MYO5B: variants seen among roughly 807,000 people sequenced by gnomAD.
The protein encoded by MYO5B is unconventional myosin-Vb.
Under a neutral mutation model 229.3 loss-of-function variants are expected in MYO5B, and 143 were observed. The observed-to-expected ratio is 0.62, with a 90% CI of 0.54 to 0.72. The LOEUF is 0.72. MYO5B is among the 30% of genes least tolerant of loss of function. MYO5B has a pLI of 0.00. For synonymous variants in MYO5B, 918 were observed against 885.2 expected (o/e 1.04, Z -0.66); for missense variants, 2,321 against 2,331.0 (o/e 1.00, Z 0.09).
chr18:50,038,073 C>T (rs1396014381), intron 3 of MYO5B, among the ~76,000 whole-genome samples: 1 of 152,140 alleles, frequency 6.6e-6, no homozygotes, highest in Non-Finnish European at 1.5e-5. Context: ...CTATAAAGTT[C>T]AGATAATCTT....
intron 1 of MYO5B, among the ~76,000 whole-genome samples, chr18:50,126,111 A>G (rs1034153669): frequency 2.0e-5 from 3 of 152,360 alleles, no homozygotes; most frequent in Non-Finnish European, 4.4e-5. Context: ...ACTGAACTGT[A>G]TACTGAAAAA....
chr18:49,902,611 G>C lies in MYO5B; in HGVS notation c.2794C>G (p.Arg932Gly). Residue 932 changes from arginine (R) to glycine (G), a missense_variant, in exon 21 of 40, where the codon CGG becomes GGG. Coordinates refer to ENST00000285039, the MANE Select transcript of MYO5B (RefSeq NM_001080467.3). ...ACACTGACCTGCTCATCGATCTTCC[G>C]CTGCAGCTGGACCACCTTGTTCTCC... ...GMENKVVQLQ[R>G]KIDEQNKEFK... The C allele has an allele frequency of 6.2e-7, 1 of 1,612,630 alleles. No individual in the cohort carries two copies. The highest frequency in any genetic ancestry group is 8.5e-7 in the Non-Finnish European group (1 of 1,180,024).
chr18:49,848,676 G>A (rs927552953), intron 32 of MYO5B, among the ~76,000 whole-genome samples: 6 of 152,202 alleles, frequency 3.9e-5, no homozygotes, highest in African/African-American at 1.4e-4. Flanking sequence ...GGCAGACACA[G>A]AGAAACATCA....
At chr18:49,949,807 A>C (rs901861299) in intron 14 of MYO5B, among the ~76,000 whole-genome samples, 1 of 152,228 alleles carries the variant, frequency 6.6e-6, no homozygotes, top group African/African-American at 2.4e-5. Context: ...AGAAACTTGT[A>C]TCTTTCTAGG....
chr18:49,841,292 G>C, intron 35 of MYO5B, 73 bp downstream of exon 35: 1 of 1,393,416 alleles, frequency 7.2e-7, no homozygotes, highest in South Asian at 1.2e-5. Flanking sequence ...GACCTCTGAG[G>C]GTATACAAAG....
chr18:50,044,649 C>A (rs1006113228), intron 2 of MYO5B, among the ~76,000 whole-genome samples: 3 of 151,992 alleles, frequency 2.0e-5, no homozygotes, highest in African/African-American at 7.3e-5. Flanking sequence ...GCAGGGTAGC[C>A]CCGAGCCCCA....
chr18:49,988,432 G>C (rs1324197533), intron 7 of MYO5B, among the ~76,000 whole-genome samples: 1 of 152,122 alleles, frequency 6.6e-6, no homozygotes, highest in Non-Finnish European at 1.5e-5. Context: ...GATCAAATTG[G>C]GTAGTTTTCA....
Position 49,902,841 on chromosome 18 carries a change from G to A in MYO5B, c.2572-8C>T, listed in dbSNP as rs1023389088. ...CTTGTGCTCCATGAGGACCTGGCGG[G>A]AAACAAGGATACACATCTTGTGGGT... On this transcript the variant is annotated splice_polypyrimidine_tract_variant and splice_region_variant and intron_variant, in intron 20 of 39. Coordinates refer to ENST00000285039, the MANE Select transcript of MYO5B (RefSeq NM_001080467.3). 6.3e-7 allele frequency: 1 copy of A among 1,598,964 alleles called. No individual in the cohort carries two copies. Among genetic ancestry groups the A allele is most frequent in the African/African-American group, 1.3e-5 (1 of 75,046 alleles).
At position 49,900,328 on chromosome 18, in the gene MYO5B, C is replaced by T. The variant is rs188222055; in HGVS notation, c.2811+2266G>A. ...CCCTCTGAGTGGATGTGCCCTCCTCCCTGACCTGGTGTATCACAGCAGGCT... is the reference window on the plus strand; with the variant it reads ...CCCTCTGAGTGGATGTGCCCTCCTCTCTGACCTGGTGTATCACAGCAGGCT... On this transcript the variant is annotated intron_variant, in intron 21 of 39. Coordinates refer to ENST00000285039, the MANE Select transcript of MYO5B (RefSeq NM_001080467.3). 4.2e-3 allele frequency among the ~76,000 whole-genome samples: 644 copies of T among 152,342 alleles called. 5 individuals carry two copies. The highest frequency in any genetic ancestry group is 0.014 in the African/African-American group (601 of 41,580).
At chr18:49,877,076 G>C (rs1472156868) in intron 25 of MYO5B, among the ~76,000 whole-genome samples, 2 of 152,174 alleles carry the variant, frequency 1.3e-5, no homozygotes, top group African/African-American at 2.4e-5. Flanking sequence ...TTTTTATTCT[G>C]TCTCTCCTCC....
chr18:50,142,916 G>T (rs139898074), intron 1 of MYO5B, among the ~76,000 whole-genome samples: 1 of 152,154 alleles, frequency 6.6e-6, no homozygotes, highest in Admixed American at 6.5e-5. Flanking sequence ...GCAGACATAC[G>T]ATAGGAAAAC....
intron 4 of MYO5B, among the ~76,000 whole-genome samples, chr18:50,004,033 G>A (rs1017531305): frequency 2.6e-5 from 4 of 152,312 alleles, no homozygotes; most frequent in Admixed American, 2.0e-4. Flanking sequence ...GCACACACCA[G>A]CGATGCTTGT....
chr18:50,026,973 C>T (rs1234574822), intron 4 of MYO5B, among the ~76,000 whole-genome samples: 1 of 152,176 alleles, frequency 6.6e-6, no homozygotes, highest in Non-Finnish European at 1.5e-5. Context: ...CAACTCTTAG[C>T]CGCCTTGCTT....
At chr18:49,865,450 C>A (rs990339034) in intron 27 of MYO5B, among the ~76,000 whole-genome samples, 5 of 152,118 alleles carry the variant, frequency 3.3e-5, no homozygotes, top group Admixed American at 6.5e-5. Flanking sequence ...AGTCACCAAG[C>A]CTATGGTGAG....
Position 49,935,275 on chromosome 18 carries a change from A to T in MYO5B, c.2003+977T>A, listed in dbSNP as rs190115347. Among the ~76,000 whole-genome samples, 728 of 152,296 alleles carry T rather than the reference A, an allele frequency of 4.8e-3. 6 individuals are homozygous for T. Among genetic ancestry groups the T allele is most frequent in the Non-Finnish European group, 5.2e-3 (351 of 68,032 alleles). ...CTAGCACCTCGGGGTATCCAAAATAAATTAAAATGAAATAAAATTCAGAAT... is the reference window on the plus strand; with the variant it reads ...CTAGCACCTCGGGGTATCCAAAATATATTAAAATGAAATAAAATTCAGAAT... On this transcript the variant is annotated intron_variant, in intron 16 of 39. Coordinates refer to ENST00000285039, the MANE Select transcript of MYO5B (RefSeq NM_001080467.3).
At chr18:49,977,479 A>C (rs1216673091) in intron 9 of MYO5B, among the ~76,000 whole-genome samples, 1 of 152,048 alleles carries the variant, frequency 6.6e-6, no homozygotes, top group Non-Finnish European at 1.5e-5. Flanking sequence ...AATAAACCAC[A>C]ATCAGTGGGG....
chr18:50,183,306 C>CATATATATATATATATAT (rs71169486), intron 1 of MYO5B, among the ~76,000 whole-genome samples: 250 of 109,918 alleles, frequency 2.3e-3, no homozygotes, highest in African/African-American at 3.3e-3. Flanking sequence ...TCAATTTTAT[C>CATATATATATATATATAT]ATATATATAT....
At chr18:49,952,581 GTTTAGGGCAGTGC>G (rs759078734) in intron 14 of MYO5B, among the ~76,000 whole-genome samples, 9 of 152,202 alleles carry the variant, frequency 5.9e-5, no homozygotes, top group Non-Finnish European at 8.8e-5. Flanking sequence ...AAAATGGTGT[GTTTAGGGCAGTGC>G]CTTCCAAAGC....
At position 49,912,102 on chromosome 18, in the gene MYO5B, T is replaced by A. The variant is rs763334363; in HGVS notation, c.2162A>T (p.Lys721Ile). The A allele has an allele frequency of 3.1e-6, 5 of 1,614,008 alleles. No homozygotes were observed. In the South Asian group the frequency reaches 5.5e-5, roughly 18 times the overall value. The change falls in exon 18 of 40, where the codon AAA (lysine) becomes ATA (isoleucine). Residue 721 changes from lysine (K) to isoleucine (I), a missense_variant. Transcript: ENST00000285039. ...CAGGACAGACCTGCAGATGGCCTTT[T>A]TGTCTGTGTTGGCGAGCTCTCTCTT... Reference protein sequence around the residue: ...VKKRELANTDKKAICRSVLEN... With the variant: ...VKKRELANTDIKAICRSVLEN...
Sources: gnomAD v4.1 joint callset for allele counts (sites outside exome capture counted in the v4.1 genomes callset) on GRCh38, gnomAD v4.1.1 for gene constraint, MANE v1.5 for transcripts, NCBI Gene and HGNC (gene_info 2026-07-23, HGNC 2026-07-21) for gene names.